NRG3: variants seen among roughly 807,000 people sequenced by gnomAD.
NRG3 encodes the protein neuregulin 3, also known as pro-neuregulin-3, membrane-bound isoform.
NRG3 carries 31 observed loss-of-function variants against 66.9 expected under a neutral mutation model. The ratio of observed to expected loss-of-function variants is 0.46; its 90% confidence interval spans 0.35 to 0.63. The LOEUF is 0.63. Among genes scored for constraint, NRG3 ranks in the 20% least tolerant of loss-of-function variants. NRG3 has a pLI of 0.00. For missense variants in NRG3, 910 were observed against 878.9 expected (o/e 1.04, Z -0.45); for synonymous variants, 393 against 359.4 (o/e 1.09, Z -1.06).
chr10:82,331,255 C>T (rs1015386529), intron 1 of NRG3, among the ~76,000 whole-genome samples: 8 of 152,098 alleles, frequency 5.3e-5, no homozygotes, highest in Admixed American at 1.3e-4. Flanking sequence ...GTCTGGCACT[C>T]GTGCAAGTAG....
In NRG3 at chr10:82,388,120, A is replaced by T. The variant is rs1172567498; in HGVS notation, c.953+29252A>T. 3.3e-5 allele frequency among the ~76,000 whole-genome samples: 5 copies of T among 152,144 alleles called. No homozygotes were observed. In the East Asian group the frequency reaches 7.7e-4, roughly 23 times the overall value. The stretch of plus-strand genomic sequence containing the variant: ...ATCATAAAAATGATTCCACAACACA[A>T]TTACTCATCACTTCACTGAAACAAC... On this transcript the variant is annotated intron_variant, in intron 2 of 8. Coordinates refer to ENST00000372141, the MANE Select transcript of NRG3 (RefSeq NM_001010848.4).
At chr10:82,828,224 T>TA (rs571599263) in intron 3 of NRG3, among the ~76,000 whole-genome samples, 4 of 152,160 alleles carry the variant, frequency 2.6e-5, no homozygotes, top group South Asian at 2.1e-4. Flanking sequence ...TATTTGATTA[T>TA]AAAAAAAACT....
At chr10:82,377,302 G>A (rs1366919700) in intron 2 of NRG3, among the ~76,000 whole-genome samples, 6 of 152,070 alleles carry the variant, frequency 3.9e-5, no homozygotes, top group South Asian at 2.1e-4. Flanking sequence ...AGGATGCCTC[G>A]CAGTAAATAT....
At chr10:82,562,699 T>C (rs556607482) in intron 2 of NRG3, among the ~76,000 whole-genome samples, 6 of 152,122 alleles carry the variant, frequency 3.9e-5, no homozygotes, top group South Asian at 4.2e-4. Context: ...CAGTTTAATG[T>C]TTGTTGGGTG....
chr10:82,518,095 A>G (rs1358526975), intron 2 of NRG3, among the ~76,000 whole-genome samples: 3 of 152,198 alleles, frequency 2.0e-5, no homozygotes, highest in Non-Finnish European at 4.4e-5. Context: ...CTGTTGACAT[A>G]GGACATGTTT....
At position 82,377,435 on chromosome 10, in the gene NRG3, C is replaced by CGT. The variant is rs200662785; in HGVS notation, c.953+18589_953+18590dup. Among the ~76,000 whole-genome samples, 1,037 of 132,316 alleles carry CGT rather than the reference C, an allele frequency of 7.8e-3. 8 individuals are homozygous for CGT. The highest frequency in any genetic ancestry group is 0.018 in the African/African-American group (675 of 38,106). The allele number at this position is 132,316 out of a possible 152,430, so 86.8% of individuals were successfully genotyped here. A position where few individuals can be genotyped will look rare whatever the true frequency, so the allele number is the denominator to read the frequency against. On this transcript the variant is annotated intron_variant, in intron 2 of 8. Coordinates refer to ENST00000372141, the MANE Select transcript of NRG3 (RefSeq NM_001010848.4). The stretch of plus-strand genomic sequence containing the variant: ...AGAGAGGTGTATGTGTGTGTGTGCG[C>CGT]GTGTGTGTGTGTGTGTGTGTGTGCG...
chr10:82,177,013 T>A (rs73304603), intron 1 of NRG3, among the ~76,000 whole-genome samples: 3,225 of 151,848 alleles, frequency 0.021, 119 homozygotes, highest in East Asian at 0.14. Context: ...TTAGGACAAG[T>A]TACTCAACAT....
rs190355570 is a variant in NRG3, at chr10:82,704,853, C to A, written c.954-33724C>A. 7.7e-4 allele frequency among the ~76,000 whole-genome samples: 117 copies of A among 152,254 alleles called. 1 individual carries two copies. Among genetic ancestry groups the A allele is most frequent in the Non-Finnish European group, 1.3e-3 (89 of 68,020 alleles). On this transcript the variant is annotated intron_variant, in intron 2 of 8. Coordinates refer to ENST00000372141, the MANE Select transcript of NRG3 (RefSeq NM_001010848.4). The stretch of plus-strand genomic sequence containing the variant: ...TTTTCATGTTTGAGAATTAATTCAA[C>A]TCATAATTCAATTTTATAGTTGTTT...
chr10:82,595,808 T>C (rs1287175793), intron 2 of NRG3, among the ~76,000 whole-genome samples: 1 of 151,994 alleles, frequency 6.6e-6, no homozygotes, highest in East Asian at 1.9e-4. Context: ...AGATTGGAAC[T>C]TTTAGTCATA....
chr10:82,589,159 G>A (rs867313295), intron 2 of NRG3, among the ~76,000 whole-genome samples: 5 of 151,960 alleles, frequency 3.3e-5, no homozygotes, highest in Admixed American at 6.5e-5. Context: ...GAAAATTGCC[G>A]CTGTTCATAT....
chr10:82,674,980 G>A (rs975182190), intron 2 of NRG3, among the ~76,000 whole-genome samples: 2 of 117,698 alleles, frequency 1.7e-5, no homozygotes, highest in East Asian at 2.1e-4. Flanking sequence ...TATTTTTTGA[G>A]ACGGAACCTC....
chr10:82,610,085 G>A (rs2048213253), intron 2 of NRG3, among the ~76,000 whole-genome samples: 1 of 152,122 alleles, frequency 6.6e-6, no homozygotes, highest in Non-Finnish European at 1.5e-5. Flanking sequence ...CTTGCTGGCT[G>A]TCAGCCAGAA....
At chr10:82,240,097 T>C (rs1013111209) in intron 1 of NRG3, among the ~76,000 whole-genome samples, 1 of 152,140 alleles carries the variant, frequency 6.6e-6, no homozygotes, top group Non-Finnish European at 1.5e-5. Flanking sequence ...TTGTTTTTTC[T>C]GCTTTAGCCT....
chr10:82,286,082 G>A (rs1186068217), intron 1 of NRG3, among the ~76,000 whole-genome samples: 1 of 152,180 alleles, frequency 6.6e-6, no homozygotes, highest in Non-Finnish European at 1.5e-5. Context: ...AAATCCACCT[G>A]TGTGTTCAGT....
intron 3 of NRG3, among the ~76,000 whole-genome samples, chr10:82,812,840 T>G (rs1209008680): frequency 6.6e-6 from 1 of 152,212 alleles, no homozygotes; most frequent in Non-Finnish European, 1.5e-5. Context: ...TTATTCTACA[T>G]AGTACAAAAA....
intron 4 of NRG3, among the ~76,000 whole-genome samples, chr10:82,917,530 T>C (rs1275397676): frequency 6.6e-6 from 1 of 152,162 alleles, no homozygotes; most frequent in East Asian, 1.9e-4. Context: ...ACTGTATAAC[T>C]GGGCCCTCTA....
chr10:82,171,839 T>A (rs923691981), intron 1 of NRG3, among the ~76,000 whole-genome samples: 2 of 152,116 alleles, frequency 1.3e-5, no homozygotes, highest in Admixed American at 1.3e-4. Context: ...TTTAAGAGAA[T>A]CTTAAGAAGT....
intron 2 of NRG3, among the ~76,000 whole-genome samples, chr10:82,470,957 G>A (rs1024203676): frequency 6.6e-6 from 1 of 152,020 alleles, no homozygotes; most frequent in Admixed American, 6.5e-5. Context: ...TTCTCCCAGG[G>A]GCCTGGTTCT....
chr10:82,977,620 A>C (rs1852423107), intron 7 of NRG3, among the ~76,000 whole-genome samples: 1 of 150,370 alleles, frequency 6.7e-6, no homozygotes, highest in African/African-American at 2.5e-5. Flanking sequence ...AAAAAAAAGG[A>C]ATGAAAGGAA....
Sources: gnomAD v4.1 joint callset for allele counts (sites outside exome capture counted in the v4.1 genomes callset) on GRCh38, gnomAD v4.1.1 for gene constraint, MANE v1.5 for transcripts, NCBI Gene and HGNC (gene_info 2026-07-23, HGNC 2026-07-21) for gene names.